The following RTL4 variants were observed in gnomAD, a reference collection of about 807,000 sequenced individuals.
The protein encoded by RTL4 is retrotransposon Gag-like protein 4.
A neutral mutation model predicts 5.3 loss-of-function variants in RTL4; 4 were observed. The ratio of observed to expected loss-of-function variants is 0.75; its 90% CI spans 0.37 to 1.72. The LOEUF (loss-of-function observed/expected upper bound fraction) is 1.72. Among genes scored for constraint, RTL4 ranks in the 40% most tolerant of loss-of-function variants. The probability of loss-of-function intolerance (pLI) is 0.04; values close to 1 mark genes in which losing one functional copy is unlikely to be tolerated. For missense variants in RTL4, 260 were observed against 227.1 expected (o/e 1.14, Z -0.93); for synonymous variants, 98 against 87.3 (o/e 1.12, Z -0.68).
chrX:112,245,316 T>A, the RTL4 span, among the ~76,000 whole-genome samples: 1 of 112,031 alleles, frequency 8.9e-6, no homozygotes, highest in Non-Finnish European at 1.9e-5. Flanking sequence ...ATTCTCCCCA[T>A]CACTTTCAGG....
chrX:112,280,450 C>T, the RTL4 span, among the ~76,000 whole-genome samples: 1 of 111,185 alleles, frequency 9.0e-6, no homozygotes. Context: ...GTACATGTAT[C>T]CACTGAATCT....
chrX:112,126,892 G>GT, the RTL4 span, among the ~76,000 whole-genome samples: 18 of 111,337 alleles, frequency 1.6e-4, no homozygotes, highest in African/African-American at 5.5e-4. Flanking sequence ...CCTATAAAAA[G>GT]TTTTTTAAAA....
the RTL4 span, among the ~76,000 whole-genome samples, chrX:112,437,384 T>C: frequency 2.7e-5 from 3 of 112,104 alleles, no homozygotes; most frequent in Non-Finnish European, 5.6e-5. Context: ...AATAATTTAG[T>C]TCTGTACATT....
the RTL4 span, among the ~76,000 whole-genome samples, chrX:112,208,328 T>G: frequency 8.9e-6 from 1 of 112,180 alleles, no homozygotes; most frequent in Non-Finnish European, 1.9e-5. Flanking sequence ...ATGTTTGATC[T>G]AAAAGGCCTC....
the RTL4 span, chrX:112,381,659 C>G: frequency 6.6e-6 from 8 of 1,209,823 alleles, no homozygotes; most frequent in Non-Finnish European, 8.9e-6. Flanking sequence ...TAAAGCAGCG[C>G]TCTTGCAAAA....
chrX:112,351,653 G>A, the RTL4 span, among the ~76,000 whole-genome samples: 2 of 108,219 alleles, frequency 1.8e-5, no homozygotes, highest in African/African-American at 6.8e-5. Context: ...ATCTTTGTTG[G>A]TTTAAAGTCT....
chrX:112,211,595 C>T, the RTL4 span, among the ~76,000 whole-genome samples: 1 of 112,163 alleles, frequency 8.9e-6, no homozygotes, highest in Non-Finnish European at 1.9e-5. Flanking sequence ...GTGAACTTTA[C>T]AGATGACTAA....
chrX:112,228,144 A>G, the RTL4 span, among the ~76,000 whole-genome samples: 1 of 111,321 alleles, frequency 9.0e-6, no homozygotes, highest in South Asian at 3.8e-4. Context: ...CAGTCCCCCT[A>G]CCTGTGGATG....
At chrX:112,386,117 AT>A in the RTL4 span, among the ~76,000 whole-genome samples, 253 of 111,997 alleles carry the variant, frequency 2.3e-3, 2 homozygotes, top group East Asian at 0.031. Flanking sequence ...TTATGTTTTA[AT>A]ATTTAATTTT....
the RTL4 span, among the ~76,000 whole-genome samples, chrX:112,396,214 T>C: frequency 1.8e-5 from 2 of 111,025 alleles, no homozygotes; most frequent in Non-Finnish European, 3.8e-5. Flanking sequence ...GGTTTTACTT[T>C]CTGCTGTGAG....
At chrX:112,258,387 G>A in the RTL4 span, among the ~76,000 whole-genome samples, 1 of 110,873 alleles carries the variant, frequency 9.0e-6, no homozygotes, top group Non-Finnish European at 1.9e-5. Flanking sequence ...GCATGTCTGG[G>A]AAAATGAATA....
chrX:112,240,635 T>C, the RTL4 span, among the ~76,000 whole-genome samples: 1 of 111,803 alleles, frequency 8.9e-6, no homozygotes, highest in Non-Finnish European at 1.9e-5. Context: ...TTTGTGCCAT[T>C]GTGAAGGTGA....
At chrX:112,094,031 A>G in the RTL4 span, among the ~76,000 whole-genome samples, 1 of 111,971 alleles carries the variant, frequency 8.9e-6, no homozygotes, top group Non-Finnish European at 1.9e-5. Context: ...GGAGACTTAT[A>G]TGACTAGGAA....
At chrX:112,419,635 A>ATATGTATATATATATATATATTT in the RTL4 span, among the ~76,000 whole-genome samples, 1 of 96,186 alleles carries the variant, frequency 1.0e-5, no homozygotes, top group African/African-American at 4.0e-5. Context: ...TTAAGTATGT[A>ATATGTATATATATATATATATTT]AATCTGACTC....
the RTL4 span, among the ~76,000 whole-genome samples, chrX:112,353,830 T>A: frequency 9.0e-6 from 1 of 110,978 alleles, no homozygotes; most frequent in Non-Finnish European, 1.9e-5. Context: ...ACTTAAAGTA[T>A]AATAATAATA....
chrX:112,378,823 A>G, the RTL4 span, among the ~76,000 whole-genome samples: 1 of 111,975 alleles, frequency 8.9e-6, no homozygotes, highest in African/African-American at 3.3e-5. Context: ...CAAAAATCCA[A>G]CCTGCCAGCA....
At chrX:112,233,397 T>C in the RTL4 span, among the ~76,000 whole-genome samples, 1 of 110,725 alleles carries the variant, frequency 9.0e-6, no homozygotes, top group Non-Finnish European at 1.9e-5. Context: ...CTTTGGACTT[T>C]CAGAGTCAAT....
At chrX:112,348,100 G>A in the RTL4 span, among the ~76,000 whole-genome samples, 1 of 110,891 alleles carries the variant, frequency 9.0e-6, no homozygotes, top group Non-Finnish European at 1.9e-5. Flanking sequence ...TTACAGAGCA[G>A]GCATAAATAA....
the RTL4 span, among the ~76,000 whole-genome samples, chrX:112,093,980 T>C: frequency 9.7e-4 from 108 of 111,890 alleles, no homozygotes; most frequent in Non-Finnish European, 1.7e-3. Context: ...CTTGTTGCCA[T>C]GCTAAGTTCA....
Sources: allele counts gnomAD v4.1 joint callset (sites outside exome capture counted in the v4.1 genomes callset), GRCh38; gene constraint gnomAD v4.1.1; transcripts MANE v1.5; gene names NCBI Gene and HGNC (gene_info 2026-07-23, HGNC 2026-07-21).